The following PAK5 variants were observed in gnomAD, a reference collection of about 807,000 sequenced individuals.
The protein encoded by PAK5 is p21 (RAC1) activated kinase 5, also known as serine/threonine-protein kinase PAK 5.
Under a neutral mutation model 65.9 loss-of-function variants are expected in PAK5, and 16 were observed. That is an observed-to-expected ratio of 0.24 (90% CI 0.16 to 0.37). PAK5 has a LOEUF of 0.37. PAK5 is among the 10% of genes least tolerant of loss of function. The pLI is 1.00. For missense variants in PAK5, 785 were observed against 903.9 expected (o/e 0.87, Z 1.69); for synonymous variants, 371 against 354.9 (o/e 1.05, Z -0.51).
At chr20:9,546,686 G>T (rs2045349749) in intron 7 of PAK5, among the ~76,000 whole-genome samples, 2 of 152,320 alleles carry the variant, frequency 1.3e-5, no homozygotes. Context: ...AGGGATAGCA[G>T]CAGCTAGGAC....
intron 3 of PAK5, among the ~76,000 whole-genome samples, chr20:9,625,381 G>T (rs1468139519): frequency 6.6e-6 from 1 of 152,184 alleles, no homozygotes; most frequent in African/African-American, 2.4e-5. Flanking sequence ...TCAAATATGA[G>T]CCACTTTCTA....
chr20:9,734,836 C>T (rs2048371688), intron 1 of PAK5, among the ~76,000 whole-genome samples: 1 of 152,156 alleles, frequency 6.6e-6, no homozygotes, highest in Non-Finnish European at 1.5e-5. Context: ...CAGTCTAGGA[C>T]AACCATACTG....
At chr20:9,667,681 A>G (rs1304360698) in intron 2 of PAK5, among the ~76,000 whole-genome samples, 3 of 152,216 alleles carry the variant, frequency 2.0e-5, no homozygotes, top group Admixed American at 2.0e-4. Flanking sequence ...ATCATGAGAT[A>G]TCATAAAGTT....
intron 3 of PAK5, among the ~76,000 whole-genome samples, chr20:9,630,952 C>T (rs2046913341): frequency 6.6e-6 from 1 of 152,200 alleles, no homozygotes; most frequent in African/African-American, 2.4e-5. Flanking sequence ...TAATTTGTCT[C>T]TTTGGCTTCA....
chr20:9,720,580 A>T (rs917873259), intron 1 of PAK5, among the ~76,000 whole-genome samples: 2 of 152,192 alleles, frequency 1.3e-5, no homozygotes, highest in African/African-American at 4.8e-5. Flanking sequence ...TGCCACTGTG[A>T]TAATAGCAAT....
intron 2 of PAK5, among the ~76,000 whole-genome samples, chr20:9,696,618 A>G (rs959011612): frequency 6.6e-6 from 1 of 152,082 alleles, no homozygotes; most frequent in Non-Finnish European, 1.5e-5. Context: ...ATGATTCTCA[A>G]TTGCCACAGG....
chr20:9,689,550 C>G (rs571249727), intron 2 of PAK5, among the ~76,000 whole-genome samples: 3 of 152,176 alleles, frequency 2.0e-5, no homozygotes, highest in African/African-American at 7.2e-5. Flanking sequence ...GTTTCCCTGG[C>G]CTTCATGCTT....
chr20:9,683,501 TC>T (rs1868574318), intron 2 of PAK5, among the ~76,000 whole-genome samples: 1 of 152,198 alleles, frequency 6.6e-6, no homozygotes, highest in Non-Finnish European at 1.5e-5. Flanking sequence ...TCTTTTTCCT[TC>T]TTCCTCTTCT....
intron 1 of PAK5, among the ~76,000 whole-genome samples, chr20:9,741,926 C>A (rs1199511262): frequency 6.6e-6 from 1 of 151,998 alleles, no homozygotes; most frequent in Non-Finnish European, 1.5e-5. Context: ...GGAAAAATAT[C>A]AGGCTACCCT....
At chr20:9,765,823 CA>C (rs1162479049) in intron 1 of PAK5, among the ~76,000 whole-genome samples, 1 of 152,160 alleles carries the variant, frequency 6.6e-6, no homozygotes, top group African/African-American at 2.4e-5. Context: ...TACAGGACTT[CA>C]AAAAGTCAAA....
chr20:9,652,791 C>A (rs2047218688), intron 2 of PAK5, among the ~76,000 whole-genome samples: 1 of 152,222 alleles, frequency 6.6e-6, no homozygotes, highest in Non-Finnish European at 1.5e-5. Context: ...ATTTCTACCA[C>A]TGGGATGTAA....
intron 2 of PAK5, among the ~76,000 whole-genome samples, chr20:9,672,776 T>C (rs920471606): frequency 1.3e-5 from 2 of 152,174 alleles, no homozygotes; most frequent in Admixed American, 6.5e-5. Flanking sequence ...AGAATTACAA[T>C]AATATATTTC....
intron 1 of PAK5, among the ~76,000 whole-genome samples, chr20:9,738,380 C>G (rs2123576522): frequency 6.6e-6 from 1 of 152,152 alleles, no homozygotes; most frequent in Admixed American, 6.5e-5. Flanking sequence ...TTATAATAAC[C>G]TTATTTGTAA....
At chr20:9,667,690 T>C (rs1237993628) in intron 2 of PAK5, among the ~76,000 whole-genome samples, 21 of 152,156 alleles carry the variant, frequency 1.4e-4, no homozygotes, top group Admixed American at 1.0e-3. Flanking sequence ...TATCATAAAG[T>C]TGTCTTTGTT....
At chr20:9,642,050 G>T (rs970553227) in intron 3 of PAK5, among the ~76,000 whole-genome samples, 1 of 152,216 alleles carries the variant, frequency 6.6e-6, no homozygotes, top group Admixed American at 6.5e-5. Context: ...GTGCAGCGGG[G>T]GGGCTGAAGG....
intron 1 of PAK5, among the ~76,000 whole-genome samples, chr20:9,793,334 T>C (rs2049070035): frequency 6.6e-6 from 1 of 152,096 alleles, no homozygotes; most frequent in South Asian, 2.1e-4. Flanking sequence ...ATTTTGTAAA[T>C]AGTATCAATG....
chr20:9,688,574 C>T (rs2047751502), intron 2 of PAK5, among the ~76,000 whole-genome samples: 1 of 151,682 alleles, frequency 6.6e-6, no homozygotes, highest in African/African-American at 2.4e-5. Context: ...CCAGTGATGG[C>T]CCCTTCCTCT....
At chr20:9,764,784 C>A (rs1367034251) in intron 1 of PAK5, among the ~76,000 whole-genome samples, 1 of 152,100 alleles carries the variant, frequency 6.6e-6, no homozygotes, top group Non-Finnish European at 1.5e-5. Context: ...GGTTATTTTT[C>A]TAGAGTAACT....
intron 1 of PAK5, among the ~76,000 whole-genome samples, chr20:9,815,709 T>G (rs1273801320): frequency 1.3e-5 from 2 of 152,182 alleles, no homozygotes; most frequent in Admixed American, 6.6e-5. Flanking sequence ...TTCTTTTTGT[T>G]TCTACTATTT....
Sources: allele counts gnomAD v4.1 joint callset (sites outside exome capture counted in the v4.1 genomes callset), GRCh38; gene constraint gnomAD v4.1.1; transcripts MANE v1.5; gene names NCBI Gene and HGNC (gene_info 2026-07-23, HGNC 2026-07-21).